The following GDAP2 variants were observed in gnomAD, a reference collection of about 807,000 sequenced individuals.
The protein encoded by GDAP2 is ganglioside-induced differentiation-associated protein 2.
In GDAP2, 51 loss-of-function variants were observed where a neutral mutation model predicts 67.0. That is an observed-to-expected ratio of 0.76 (90% CI 0.61 to 0.96). The LOEUF is 0.96. Among genes scored for constraint, GDAP2 ranks in the 40% least tolerant of loss-of-function variants. The pLI is 0.00. For missense variants in GDAP2, 547 were observed against 588.3 expected, an observed-to-expected ratio of 0.93 and a Z score of 0.73; for synonymous variants, 203 against 207.3, an observed-to-expected ratio of 0.98 and a Z score of 0.18.
intron 3 of GDAP2, among the ~76,000 whole-genome samples, chr1:117,914,311 T>C (rs1355045342): frequency 6.6e-6 from 1 of 152,138 alleles, no homozygotes; most frequent in African/African-American, 2.4e-5. Context: ...GAAATGGCAC[T>C]TATGTAACTG....
chr1:117,883,899 CT>C (rs1320485659), intron 10 of GDAP2, among the ~76,000 whole-genome samples: 1 of 152,174 alleles, frequency 6.6e-6, no homozygotes, highest in Non-Finnish European at 1.5e-5. Context: ...CAATCAGTCT[CT>C]ATCCTCTAAA....
chr1:117,870,627 A>T lies in GDAP2; in HGVS notation c.1447-11T>A. 1 of 1,567,390 alleles carries T rather than the reference A, an allele frequency of 6.4e-7. No homozygotes were observed. On this transcript the variant is annotated splice_polypyrimidine_tract_variant and intron_variant, in intron 13 of 13. Coordinates refer to ENST00000369443, the MANE Select transcript of GDAP2 (RefSeq NM_017686.4). The stretch of plus-strand genomic sequence containing the variant: ...GTAAGGCCCGTTTTCCTGTGGAAAG[A>T]AAAAAGGAGAAGAACATTTAAGTAA...
intron 1 of GDAP2, among the ~76,000 whole-genome samples, chr1:117,924,007 A>G (rs575887066): frequency 1.9e-4 from 29 of 152,342 alleles, no homozygotes; most frequent in African/African-American, 6.7e-4. Flanking sequence ...GCATAGTTCA[A>G]TAAGTTTCTC....
Position 117,912,718 on chromosome 1 carries a change from T to C in GDAP2, c.317-35A>G, listed in dbSNP as rs201325104. On this transcript the variant is annotated intron_variant, in intron 3 of 13. Transcript: ENST00000369443. Reference sequence around the variant, plus strand: ...ATGGAAACACACATAAGTTTGGATGTGTTAGGAAAACAGAAACAAAAACAA... The same window carrying C: ...ATGGAAACACACATAAGTTTGGATGCGTTAGGAAAACAGAAACAAAAACAA... The C allele has an allele frequency of 3.8e-6, 6 of 1,574,932 alleles. No individual in the cohort carries two copies. The East Asian group carries it at 1.1e-4, about 29-fold the overall frequency.
intron 1 of GDAP2, among the ~76,000 whole-genome samples, chr1:117,927,593 G>A (rs937344706): frequency 1.7e-4 from 26 of 152,086 alleles, no homozygotes; most frequent in Admixed American, 9.8e-4. Flanking sequence ...GAGTACATGA[G>A]GATATGTGTG....
intron 6 of GDAP2, among the ~76,000 whole-genome samples, chr1:117,903,985 T>G (rs1299623863): frequency 6.6e-6 from 1 of 151,612 alleles, no homozygotes; most frequent in African/African-American, 2.4e-5. Context: ...GTTTATGATT[T>G]TTTTTTCTTT....
chr1:117,892,950 T>C (rs1408727722), intron 8 of GDAP2, among the ~76,000 whole-genome samples: 2 of 152,134 alleles, frequency 1.3e-5, no homozygotes, highest in South Asian at 2.1e-4. Context: ...TTATTGACCC[T>C]GTACAGTAAT....
chr1:117,906,779 C>G (rs1649673767), intron 5 of GDAP2, among the ~76,000 whole-genome samples, 197 bp from the exon 6 acceptor site: 1 of 152,206 alleles, frequency 6.6e-6, no homozygotes, highest in Admixed American at 6.5e-5. Flanking sequence ...TCCAGAGCAA[C>G]TGTGATAGAC....
chr1:117,870,994 T>C (rs531350356), intron 13 of GDAP2, among the ~76,000 whole-genome samples: 3 of 152,342 alleles, frequency 2.0e-5, no homozygotes, highest in South Asian at 2.1e-4. Context: ...AGTTACCTAG[T>C]TGGTAACCAG....
intron 5 of GDAP2, among the ~76,000 whole-genome samples, chr1:117,908,833 AAAT>A (rs1355979861): frequency 0.012 from 1,704 of 144,256 alleles, 29 homozygotes; most frequent in African/African-American, 0.043. Flanking sequence ...TCAAAAAAAT[AAAT>A]AAATAAATAA....
At chr1:117,927,290 T>C (rs773818445) in intron 1 of GDAP2, among the ~76,000 whole-genome samples, 1 of 152,130 alleles carries the variant, frequency 6.6e-6, no homozygotes, top group African/African-American at 2.4e-5. Flanking sequence ...ATATGAATAA[T>C]TGGATTGGCT....
intron 13 of GDAP2, among the ~76,000 whole-genome samples, chr1:117,871,957 A>G (rs1157750543): frequency 6.6e-6 from 1 of 152,196 alleles, no homozygotes; most frequent in Non-Finnish European, 1.5e-5. Context: ...CAAAGGACTA[A>G]TATCCAGAAT....
intron 3 of GDAP2, among the ~76,000 whole-genome samples, chr1:117,917,021 A>G (rs1184078660): frequency 6.6e-6 from 1 of 151,622 alleles, no homozygotes; most frequent in African/African-American, 2.4e-5. Flanking sequence ...GTGACAGAGC[A>G]AGACTCTGTC....
At chr1:117,908,364 T>C (rs1649730771) in intron 5 of GDAP2, among the ~76,000 whole-genome samples, 3 of 152,174 alleles carry the variant, frequency 2.0e-5, no homozygotes, top group Non-Finnish European at 2.9e-5. Flanking sequence ...CTCAGTTACA[T>C]ATTGCCTGCT....
At chr1:117,908,695 C>T (rs998238140) in intron 5 of GDAP2, among the ~76,000 whole-genome samples, 5 of 151,898 alleles carry the variant, frequency 3.3e-5, no homozygotes, top group Non-Finnish European at 7.4e-5. Context: ...TATGGTGACG[C>T]ATGCCTGTAG....
In GDAP2 at chr1:117,865,121, C is replaced by T. The variant is rs1235065121; in HGVS notation, c.*5448G>A. On this transcript the variant is annotated 3_prime_UTR_variant, in exon 14 of 14. Coordinates refer to ENST00000369443, the MANE Select transcript of GDAP2 (RefSeq NM_017686.4). ...ATATCCTCAGCTGATTTGATACATG[C>T]ACATGAAAGTTTGGGAAACACTAGT... 2 of 152,156 alleles carry T rather than the reference C, an allele frequency of 1.3e-5. No individual in the cohort carries two copies. Among genetic ancestry groups the T allele is most frequent in the African/African-American group, 4.8e-5 (2 of 41,438 alleles). The allele number at this position is 152,156 out of a possible 1,614,324, so 9.4% of individuals were successfully genotyped here. A position where few individuals can be genotyped will look rare whatever the true frequency, so the allele number is the denominator to read the frequency against.
intron 6 of GDAP2, 61 bp from the exon 7 acceptor site, chr1:117,899,277 G>A (rs561823622): frequency 1.2e-5 from 14 of 1,133,220 alleles, no homozygotes; most frequent in Admixed American, 3.4e-5. Context: ...GACCTCAGCA[G>A]TACTTAGTGC....
chr1:117,910,707 C>A (rs575564974), intron 5 of GDAP2, among the ~76,000 whole-genome samples: 1 of 152,278 alleles, frequency 6.6e-6, no homozygotes, highest in Admixed American at 6.5e-5. Flanking sequence ...TTTTCTATAA[C>A]AGCTGCAACA....
At chr1:117,903,846 G>C (rs1649565791) in intron 6 of GDAP2, among the ~76,000 whole-genome samples, 2 of 152,136 alleles carry the variant, frequency 1.3e-5, no homozygotes, top group Non-Finnish European at 2.9e-5. Context: ...ATAAATCAAA[G>C]ATGAATGTAA....
Sources: gnomAD v4.1 joint callset for allele counts (sites outside exome capture counted in the v4.1 genomes callset) on GRCh38, gnomAD v4.1.1 for gene constraint, MANE v1.5 for transcripts, NCBI Gene and HGNC (gene_info 2026-07-23, HGNC 2026-07-21) for gene names.